The following GALNT13 variants were observed in gnomAD, a reference collection of about 807,000 sequenced individuals.
GALNT13 encodes the protein UDP-GalNAc:polypeptide N-acetylgalactosaminyltransferase 13.
A neutral mutation model predicts 64.2 loss-of-function variants in GALNT13; 28 were observed. The ratio of observed to expected loss-of-function variants is 0.44; its 90% CI spans 0.32 to 0.60. GALNT13 has a LOEUF of 0.60. GALNT13 is among the 20% of genes least tolerant of loss of function. The probability of loss-of-function intolerance (pLI) is 0.05; values close to 1 mark genes in which losing one functional copy is unlikely to be tolerated. For missense variants in GALNT13, 577 were observed against 669.8 expected (o/e 0.86, Z 1.53); for synonymous variants, 214 against 224.6 (o/e 0.95, Z 0.42).
At chr2:154,215,026 A>G (rs1013703327) in intron 4 of GALNT13, among the ~76,000 whole-genome samples, 3 of 152,206 alleles carry the variant, frequency 2.0e-5, no homozygotes, top group African/African-American at 7.2e-5. Context: ...TGTGTAGTAT[A>G]TGTAAGCCAA....
the GALNT13 span, among the ~76,000 whole-genome samples, chr2:153,229,136 A>G: frequency 6.6e-6 from 1 of 152,294 alleles, no homozygotes; most frequent in African/African-American, 2.4e-5. Flanking sequence ...TACACTAGCA[A>G]ACATAGCTTT....
chr2:153,966,935 CCT>C (rs1174382795), intron 3 of GALNT13, among the ~76,000 whole-genome samples: 2 of 151,830 alleles, frequency 1.3e-5, no homozygotes, highest in African/African-American at 2.4e-5. Context: ...TTTTTTCACC[CCT>C]GACTGTATAT....
At chr2:154,031,113 A>G (rs1281869516) in intron 3 of GALNT13, among the ~76,000 whole-genome samples, 2 of 152,214 alleles carry the variant, frequency 1.3e-5, no homozygotes, top group African/African-American at 2.4e-5. Context: ...AAAATAAAAT[A>G]TGTGACAAAA....
At chr2:154,379,132 T>G (rs779420054) in intron 9 of GALNT13, among the ~76,000 whole-genome samples, 1 of 152,084 alleles carries the variant, frequency 6.6e-6, no homozygotes, top group East Asian at 1.9e-4. Context: ...AAAACTACAT[T>G]AACTATGATA....
chr2:154,105,260 G>A (rs1702552976), intron 3 of GALNT13, among the ~76,000 whole-genome samples: 1 of 151,986 alleles, frequency 6.6e-6, no homozygotes, highest in South Asian at 2.1e-4. Context: ...TCTGATCTCT[G>A]TAGCTAGTGA....
chr2:153,970,829 A>G (rs1693687489), intron 3 of GALNT13, among the ~76,000 whole-genome samples: 2 of 152,130 alleles, frequency 1.3e-5, no homozygotes, highest in African/African-American at 4.8e-5. Context: ...TCACATTAGC[A>G]CATCCTGTTT....
intron 8 of GALNT13, among the ~76,000 whole-genome samples, chr2:154,298,937 G>A (rs984713611): frequency 7.8e-6 from 1 of 128,564 alleles, no homozygotes; most frequent in Non-Finnish European, 1.7e-5. Context: ...TGCTTTCACT[G>A]TTGTTTCCTA....
At chr2:153,196,669 T>G in the GALNT13 span, among the ~76,000 whole-genome samples, 8 of 151,856 alleles carry the variant, frequency 5.3e-5, no homozygotes, top group Non-Finnish European at 8.8e-5. Flanking sequence ...GGGCTCCAGG[T>G]TCTCACTGGG....
chr2:154,227,454 A>G (rs1016993011), intron 4 of GALNT13, among the ~76,000 whole-genome samples: 10 of 148,360 alleles, frequency 6.7e-5, no homozygotes, highest in African/African-American at 2.5e-4. Flanking sequence ...AACATTAGGT[A>G]TATCTCCTAA....
At position 154,240,282 on chromosome 2, in the gene GALNT13, G is replaced by C. The variant is rs933374521; in HGVS notation, c.312-1748G>C. ...TGTACCTTGATTGATTGCTTGAAAA[G>C]AAAAATCTGGACTTATTTGGATTTA... On this transcript the variant is annotated intron_variant, in intron 4 of 12. Coordinates refer to ENST00000392825, the MANE Select transcript of GALNT13 (RefSeq NM_052917.4). 2.6e-5 allele frequency among the ~76,000 whole-genome samples: 4 copies of C among 152,116 alleles called. No individual in the cohort carries two copies. The East Asian group carries it at 7.7e-4, about 29-fold the overall frequency.
intron 3 of GALNT13, among the ~76,000 whole-genome samples, chr2:154,096,634 A>G (rs1374944571): frequency 1.3e-5 from 2 of 151,990 alleles, no homozygotes; most frequent in Non-Finnish European, 2.9e-5. Flanking sequence ...TAGTTATAAA[A>G]TGCCATCCTT....
chr2:153,274,289 G>C, the GALNT13 span, among the ~76,000 whole-genome samples: 5 of 152,322 alleles, frequency 3.3e-5, no homozygotes, highest in African/African-American at 1.2e-4. Context: ...ATGTCAGTCT[G>C]TAAGGAACCG....
chr2:153,533,717 G>GTTTTTTTTTTTTT, the GALNT13 span, among the ~76,000 whole-genome samples: 10 of 24,022 alleles, frequency 4.2e-4, no homozygotes, highest in Non-Finnish European at 3.2e-4. Flanking sequence ...ATATCCTGAG[G>GTTTTTTTTTTTTT]TTTTTCTTTT....
At chr2:153,751,129 A>G in the GALNT13 span, among the ~76,000 whole-genome samples, 15 of 151,890 alleles carry the variant, frequency 9.9e-5, no homozygotes, top group South Asian at 3.1e-3. Flanking sequence ...CAAAACTCCT[A>G]TTGTTATTAA....
At chr2:154,170,787 A>C (rs1048421704) in intron 4 of GALNT13, among the ~76,000 whole-genome samples, 6 of 152,348 alleles carry the variant, frequency 3.9e-5, no homozygotes, top group Non-Finnish European at 5.9e-5. Flanking sequence ...ATATTGCCCC[A>C]AAATGAGTAA....
the GALNT13 span, among the ~76,000 whole-genome samples, chr2:153,266,009 G>T: frequency 6.6e-6 from 1 of 152,080 alleles, no homozygotes; most frequent in Admixed American, 6.6e-5. Context: ...TTGAAGATAT[G>T]TACTTATTTT....
chr2:153,948,947 CAT>C lies in GALNT13; in HGVS notation c.142+4309_142+4310del, dbSNP rs1380609870. Among the ~76,000 whole-genome samples, 6 of 152,194 alleles carry C rather than the reference CAT, an allele frequency of 3.9e-5. No homozygotes were observed. In the South Asian group the frequency reaches 1.2e-3, roughly 32 times the overall value. ...GTGTGTACAACAAACCCAAGTGACA[CAT>C]GTTTACTGATGGAACAAACCTGCAC... On this transcript the variant is annotated intron_variant, in intron 3 of 12. Coordinates refer to ENST00000392825, the MANE Select transcript of GALNT13 (RefSeq NM_052917.4).
the GALNT13 span, among the ~76,000 whole-genome samples, chr2:153,473,927 A>G: frequency 6.6e-6 from 1 of 152,222 alleles, no homozygotes; most frequent in Non-Finnish European, 1.5e-5. Flanking sequence ...CTTACTCCCC[A>G]GTACAATGGG....
chr2:153,748,819 A>G, the GALNT13 span, among the ~76,000 whole-genome samples: 1 of 151,688 alleles, frequency 6.6e-6, no homozygotes, highest in Non-Finnish European at 1.5e-5. Context: ...GCCTATGCTC[A>G]TGAGGCACTA....
Sources: allele counts gnomAD v4.1 joint callset (sites outside exome capture counted in the v4.1 genomes callset), GRCh38; gene constraint gnomAD v4.1.1; transcripts MANE v1.5; gene names NCBI Gene and HGNC (gene_info 2026-07-23, HGNC 2026-07-21).